The following JAKMIP1 variants were observed in gnomAD, a reference collection of about 807,000 sequenced individuals.
JAKMIP1 encodes janus kinase and microtubule interacting protein 1.
Under a neutral mutation model 113.0 loss-of-function variants are expected in JAKMIP1, and 33 were observed. That is an observed-to-expected ratio of 0.29 (90% CI 0.22 to 0.39). The LOEUF (loss-of-function observed/expected upper bound fraction) is 0.39, where lower values mean the gene tolerates loss of function less well. Ranked by LOEUF, JAKMIP1 falls within the 10% of genes least tolerant of loss-of-function variation. JAKMIP1 has a pLI of 1.00. For synonymous variants in JAKMIP1, 480 were observed against 459.9 expected, an observed-to-expected ratio of 1.04 and a Z score of -0.56; for missense variants, 813 against 1,080.5, an observed-to-expected ratio of 0.75 and a Z score of 3.47.
At chr4:6,128,078 G>A (rs1717979469) in intron 1 of JAKMIP1, among the ~76,000 whole-genome samples, 1 of 152,160 alleles carries the variant, frequency 6.6e-6, no homozygotes, top group African/African-American at 2.4e-5. Flanking sequence ...TGTGATGCCA[G>A]GATTACCACC....
intron 1 of JAKMIP1, among the ~76,000 whole-genome samples, chr4:6,125,104 C>T: frequency 6.6e-6 from 1 of 152,136 alleles, no homozygotes; most frequent in East Asian, 1.9e-4. Flanking sequence ...AGCACCCAGC[C>T]CATGTGATGT....
At chr4:6,170,900 A>T (rs1384489020) in intron 1 of JAKMIP1, among the ~76,000 whole-genome samples, 1 of 147,660 alleles carries the variant, frequency 6.8e-6, no homozygotes, top group African/African-American at 2.5e-5. Context: ...CACCACCACC[A>T]TCACCATCAC....
chr4:6,028,559 G>A (rs1425879384), intron 20 of JAKMIP1, among the ~76,000 whole-genome samples: 2 of 152,240 alleles, frequency 1.3e-5, no homozygotes, highest in Non-Finnish European at 2.9e-5. Flanking sequence ...GGACTGGAAA[G>A]GCTGTCATCC....
At position 6,088,444 on chromosome 4, in the gene JAKMIP1, A is replaced by G. The variant is rs1452193643; in HGVS notation, c.625-2815T>C. ...CTTCCACTAGCTCCCCACAAAAGAC[A>G]GCACCGTCGCGAGCAAGACATCTCC... On this transcript the variant is annotated intron_variant, in intron 3 of 20. Transcript: ENST00000409021. The surrounding 1 kb of genome is among the most constrained non-coding windows in gnomAD (Gnocchi z 5.5). Among the ~76,000 whole-genome samples, 3 of 152,186 alleles carry G rather than the reference A, an allele frequency of 2.0e-5. No individual in the cohort carries two copies. The highest frequency in any genetic ancestry group is 4.4e-5 in the Non-Finnish European group (3 of 68,028).
At position 6,181,503 on chromosome 4, in the gene JAKMIP1, C is replaced by T. The variant is rs1726014633; in HGVS notation, c.-148+18750G>A. On this transcript the variant is annotated intron_variant, in intron 1 of 20. Transcript: ENST00000409021. This position sits in a 1 kb window ranked among gnomAD's most constrained non-coding sequence, Gnocchi z 5.4. ...AGTGGCTCCCCCATCCCTTGAGGAG[C>T]TCCTAGCCAAGCAAAGGAGACACTG... is the stretch of plus-strand genomic sequence containing the variant. Among the ~76,000 whole-genome samples the T allele has an allele frequency of 6.6e-6, 1 of 152,142 alleles. No homozygotes were observed. Among genetic ancestry groups the T allele is most frequent in the Admixed American group, 6.5e-5 (1 of 15,278 alleles).
intron 1 of JAKMIP1, among the ~76,000 whole-genome samples, chr4:6,132,060 T>C (rs1718578561): frequency 2.6e-5 from 4 of 152,196 alleles, no homozygotes. Flanking sequence ...AATAAAATCA[T>C]TTTTTATTCT....
rs1720408493 is a variant in JAKMIP1 at position 6,080,831 on chromosome 4, C to T, written c.1102-519G>A. 6.6e-6 allele frequency among the ~76,000 whole-genome samples: 1 copy of T among 152,110 alleles called. No homozygotes were observed. Among genetic ancestry groups the T allele is most frequent in the South Asian group, 2.1e-4 (1 of 4,824 alleles). ...TCCTGTGCTGGAAGAGGGGACAGGGCAGACCAAAGCCAAGCCCAAGGTGGG... is the reference window on the plus strand; with the variant it reads ...TCCTGTGCTGGAAGAGGGGACAGGGTAGACCAAAGCCAAGCCCAAGGTGGG... On this transcript the variant is annotated intron_variant, in intron 6 of 20. Transcript: ENST00000409021. This position sits in a 1 kb window ranked among gnomAD's most constrained non-coding sequence, Gnocchi z 6.0.
intron 19 of JAKMIP1, among the ~76,000 whole-genome samples, chr4:6,030,636 C>A (rs751325658): frequency 6.6e-6 from 1 of 152,250 alleles, no homozygotes; most frequent in Non-Finnish European, 1.5e-5. Flanking sequence ...GGGCTGCTGG[C>A]CCTTGTCTGC....
chr4:6,136,204 C>T lies in JAKMIP1; in HGVS notation c.-147-23207G>A, dbSNP rs766608034. 4.6e-5 allele frequency among the ~76,000 whole-genome samples: 7 copies of T among 152,092 alleles called. No individual in the cohort carries two copies. Among genetic ancestry groups the T allele is most frequent in the Non-Finnish European group, 8.8e-5 (6 of 68,026 alleles). ...GAGGTTGCAGTGAGCCGAGATCACACCACTGCACTCCAGCCTGGCCAACAG... is the reference window on the plus strand; with the variant it reads ...GAGGTTGCAGTGAGCCGAGATCACATCACTGCACTCCAGCCTGGCCAACAG... On this transcript the variant is annotated intron_variant, in intron 1 of 20. Coordinates refer to ENST00000409021, the MANE Select transcript of JAKMIP1 (RefSeq NM_001099433.2). The surrounding 1 kb of genome is among the most constrained non-coding windows in gnomAD (Gnocchi z 5.9).
In JAKMIP1 at chr4:6,108,724, G is replaced by A. The variant is rs190904617; in HGVS notation, c.130-2757C>T. 1.2e-3 allele frequency among the ~76,000 whole-genome samples: 178 copies of A among 152,310 alleles called. 3 individuals are homozygous for A. In the South Asian group the frequency reaches 0.021, roughly 18 times the overall value. ...ACTCTGAAACCATCATACATGTATA[G>A]TGTTGAACAAAGAAAGTGGATGGCA... On this transcript the variant is annotated intron_variant, in intron 2 of 20. Coordinates refer to ENST00000409021, the MANE Select transcript of JAKMIP1 (RefSeq NM_001099433.2). This position sits in a 1 kb window ranked among gnomAD's most constrained non-coding sequence, Gnocchi z 5.6.
chr4:6,077,511 G>C (rs1719857815), intron 8 of JAKMIP1, among the ~76,000 whole-genome samples: 1 of 145,328 alleles, frequency 6.9e-6, no homozygotes, highest in Admixed American at 6.9e-5. Context: ...TTTTGAGACA[G>C]GGTCTTGCTC....
rs946589655 is a variant in JAKMIP1, at chr4:6,188,661, C to T, written c.-148+11592G>A. Among the ~76,000 whole-genome samples, 7 of 152,176 alleles carry T rather than the reference C, an allele frequency of 4.6e-5. No homozygotes were observed. Among genetic ancestry groups the T allele is most frequent in the Non-Finnish European group, 7.3e-5 (5 of 68,032 alleles). ...CTGGGGCACCTGAGGTTTGGGGCAC[C>T]TGCATCCCTCCCCCATCTTCTGGCT... On this transcript the variant is annotated intron_variant, in intron 1 of 20. Coordinates refer to ENST00000409021, the MANE Select transcript of JAKMIP1 (RefSeq NM_001099433.2). The surrounding 1 kb of genome is among the most constrained non-coding windows in gnomAD (Gnocchi z 5.8).
At chr4:6,104,685 C>T (rs371162007) in intron 3 of JAKMIP1, among the ~76,000 whole-genome samples, 3 of 152,246 alleles carry the variant, frequency 2.0e-5, no homozygotes, top group Non-Finnish European at 4.4e-5. Flanking sequence ...CCCTGAGGGG[C>T]AGACTGGTCA....
rs1444506738 is a variant in JAKMIP1, at chr4:6,192,961, G to C, written c.-148+7292C>G. 1.3e-5 allele frequency among the ~76,000 whole-genome samples: 2 copies of C among 152,192 alleles called. No individual in the cohort carries two copies. The highest frequency in any genetic ancestry group is 2.9e-5 in the Non-Finnish European group (2 of 68,036). ...AAGTATTGTTCCTGGGTGTGTCTGT[G>C]AGGGTGTTCCCAAAAGAGATTAACA... On this transcript the variant is annotated intron_variant, in intron 1 of 20. Coordinates refer to ENST00000409021, the MANE Select transcript of JAKMIP1 (RefSeq NM_001099433.2). The surrounding 1 kb of genome is among the most constrained non-coding windows in gnomAD (Gnocchi z 5.0).
Position 6,085,572 on chromosome 4 carries a change from C to A in JAKMIP1, c.682G>T (p.Val228Leu). The A allele has an allele frequency of 6.2e-7, 1 of 1,614,226 alleles. No individual in the cohort carries two copies. Among genetic ancestry groups the A allele is most frequent in the Non-Finnish European group, 8.5e-7 (1 of 1,180,040 alleles). ...VILALEKELG[V>L]QAGQTQKLLL... ...AGCTTCTGGGTCTGCCCAGCCTGCACGCCAAGTTCCTTCTCCAAGGCCAGA... is the reference window on the plus strand; with the variant it reads ...AGCTTCTGGGTCTGCCCAGCCTGCAAGCCAAGTTCCTTCTCCAAGGCCAGA... The change falls in exon 4 of 21, where the codon GTG (valine) becomes TTG (leucine). Residue 228 changes from valine to leucine, a missense_variant. Coordinates refer to ENST00000409021, the MANE Select transcript of JAKMIP1 (RefSeq NM_001099433.2).
At chr4:6,144,970 A>T (rs1163156444) in intron 1 of JAKMIP1, among the ~76,000 whole-genome samples, 1 of 152,272 alleles carries the variant, frequency 6.6e-6, no homozygotes, top group Non-Finnish European at 1.5e-5. Context: ...TCTTGTATAT[A>T]GAAAATGCTA....
chr4:6,186,301 A>C lies in JAKMIP1; in HGVS notation c.-148+13952T>G, dbSNP rs1295360892. On this transcript the variant is annotated intron_variant, in intron 1 of 20. Transcript: ENST00000409021. The surrounding 1 kb of genome is among the most constrained non-coding windows in gnomAD (Gnocchi z 5.5). ...ATTCCAGGAAAGTGGGATGGTGAGC[A>C]AAAGCATGGAAGTTGGAAAAGGAGG... Among the ~76,000 whole-genome samples, 1 of 152,200 alleles carries C rather than the reference A, an allele frequency of 6.6e-6. No homozygotes were observed. The highest frequency in any genetic ancestry group is 1.5e-5 in the Non-Finnish European group (1 of 68,038).
intron 10 of JAKMIP1, 92 bp from the exon 11 acceptor site, chr4:6,060,599 G>T: frequency 2.1e-6 from 2 of 933,236 alleles, no homozygotes; most frequent in Admixed American, 3.4e-5. Context: ...GCAATGCCTA[G>T]GGTCCTTATA....
Position 6,065,520 on chromosome 4 carries a change from G to C in JAKMIP1, c.1303-512C>G, listed in dbSNP as rs902767381. Among the ~76,000 whole-genome samples the C allele has an allele frequency of 6.6e-6, 1 of 152,234 alleles. No homozygotes were observed. Among genetic ancestry groups the C allele is most frequent in the South Asian group, 2.1e-4 (1 of 4,832 alleles). ...GCAGAGGGGGCAACAGCTTGAAGGA[G>C]TGGAGAGCCCAGCCATAGTCCTAGT... is the stretch of plus-strand genomic sequence containing the variant. On this transcript the variant is annotated intron_variant, in intron 8 of 20. Transcript: ENST00000409021. This position sits in a 1 kb window ranked among gnomAD's most constrained non-coding sequence, Gnocchi z 5.1.
Sources: allele counts gnomAD v4.1 joint callset (sites outside exome capture counted in the v4.1 genomes callset), GRCh38; gene constraint gnomAD v4.1.1; non-coding constraint Gnocchi (gnomAD v3.1); transcripts MANE v1.5; gene names NCBI Gene and HGNC (gene_info 2026-07-23, HGNC 2026-07-21).